The following TAF1A variants were observed in gnomAD, a reference collection of about 807,000 sequenced individuals.
TAF1A encodes the protein TATA box-binding protein-associated factor RNA polymerase I subunit A.
A neutral mutation model predicts 61.6 loss-of-function variants in TAF1A; 42 were observed. The ratio of observed to expected loss-of-function variants is 0.68; its 90% CI spans 0.53 to 0.88. The LOEUF (loss-of-function observed/expected upper bound fraction) is 0.88. Ranked by LOEUF, TAF1A falls within the 40% of genes least tolerant of loss-of-function variation. The pLI is 0.00. For missense variants in TAF1A, 424 were observed against 518.7 expected, an observed-to-expected ratio of 0.82 and a Z score of 1.77; for synonymous variants, 179 against 177.7, an observed-to-expected ratio of 1.01 and a Z score of -0.06.
At position 222,569,539 on chromosome 1, in the gene TAF1A, G is replaced by A. The variant is rs1660261358; in HGVS notation, c.865C>T (p.Pro289Ser). ...AGCACACTTATCAATTTTGATCTTGGTGCCTTCTGTCTCTTTAGAAAGTTG... is the reference window on the plus strand; with the variant it reads ...AGCACACTTATCAATTTTGATCTTGATGCCTTCTGTCTCTTTAGAAAGTTG... ...LYNFLKRQKA[P>S]RSKLISVLKI... The change falls in exon 7 of 11, where the codon CCA (proline) becomes TCA (serine). Residue 289 changes from proline to serine, a missense_variant. Pro to Ser is a moderately conservative substitution (Grantham distance 74, BLOSUM62 -1). Coordinates refer to ENST00000352967, the MANE Select transcript of TAF1A (RefSeq NM_005681.4). 1.2e-6 allele frequency: 2 copies of A among 1,613,736 alleles called. No homozygotes were observed. The highest frequency in any genetic ancestry group is 1.7e-6 in the Non-Finnish European group (2 of 1,179,932).
chr1:222,589,835 C>A lies in TAF1A; in HGVS notation c.-111G>T. ...GTTAGGAGAGCTTTATATGAGCAGG[C>A]GCTAAACCTGGTTTAGGTATTTAGG... On this transcript the variant is annotated 5_prime_UTR_variant, in exon 1 of 11. Coordinates refer to ENST00000352967, the MANE Select transcript of TAF1A (RefSeq NM_005681.4). The A allele has an allele frequency of 2.6e-6, 1 of 384,010 alleles. No homozygotes were observed. The highest frequency in any genetic ancestry group is 3.7e-5 in the East Asian group (1 of 26,852). The allele number at this position is 384,010 out of a possible 1,614,324, so 23.8% of individuals were successfully genotyped here.
intron 2 of TAF1A, among the ~76,000 whole-genome samples, chr1:222,585,550 T>G (rs1185337488): frequency 6.6e-6 from 1 of 151,628 alleles, no homozygotes; most frequent in Non-Finnish European, 1.5e-5. Flanking sequence ...TGGGTTCAAG[T>G]GATCCTTCCT....
intron 7 of TAF1A, among the ~76,000 whole-genome samples, chr1:222,566,151 T>C (rs1005707638): frequency 6.6e-6 from 1 of 152,052 alleles, no homozygotes; most frequent in African/African-American, 2.4e-5. Context: ...ACCCAATTCA[T>C]AAAAGGGCAG....
At chr1:222,564,230 T>G (rs940337792) in intron 7 of TAF1A, 105 bp from the exon 8 acceptor site, 9 of 502,070 alleles carry the variant, frequency 1.8e-5, no homozygotes, top group Non-Finnish European at 3.1e-5. Context: ...ATGCTCCCTT[T>G]AAATTTATTA....
chr1:222,575,508 C>T (rs1321112659), intron 5 of TAF1A, among the ~76,000 whole-genome samples: 1 of 152,104 alleles, frequency 6.6e-6, no homozygotes, highest in Non-Finnish European at 1.5e-5. Flanking sequence ...CAGACTGAGA[C>T]AGCAAGACTC....
chr1:222,569,470 T>C (rs1309718355), intron 7 of TAF1A, 40 bp downstream of exon 7: 1 of 1,613,434 alleles, frequency 6.2e-7, no homozygotes, highest in Non-Finnish European at 8.5e-7. Context: ...TTAATGTAGA[T>C]TCCCAACCCT....
chr1:222,583,837 CAAA>C (rs200580139), intron 3 of TAF1A, among the ~76,000 whole-genome samples: 2 of 90,060 alleles, frequency 2.2e-5, no homozygotes, highest in Non-Finnish European at 2.3e-5. Context: ...GACTCCGTCT[CAAA>C]AAAAAAAAAA....
intron 7 of TAF1A, chr1:222,569,176 G>A (rs373416364): frequency 2.6e-5 from 23 of 899,860 alleles, no homozygotes; most frequent in Middle Eastern, 4.9e-4. Flanking sequence ...TGAATGTAAC[G>A]CATCCAAGCA....
chr1:222,567,340 C>T (rs140394076), intron 7 of TAF1A, among the ~76,000 whole-genome samples: 15 of 152,104 alleles, frequency 9.9e-5, no homozygotes, highest in African/African-American at 3.1e-4. Context: ...GTTTCTACTT[C>T]GGATAACGAA....
At chr1:222,560,956 A>G (rs139300771) in intron 10 of TAF1A, among the ~76,000 whole-genome samples, 2 of 152,108 alleles carry the variant, frequency 1.3e-5, no homozygotes, top group East Asian at 3.9e-4. Context: ...AGTGGAGGAA[A>G]TGTTTCACGC....
At chr1:222,576,480 C>G (rs1488630915) in intron 5 of TAF1A, among the ~76,000 whole-genome samples, 1 of 152,114 alleles carries the variant, frequency 6.6e-6, no homozygotes, top group Non-Finnish European at 1.5e-5. Context: ...TTAGGTTAAT[C>G]TCGAGGATTA....
At chr1:222,576,988 T>G (rs1222230288) in intron 5 of TAF1A, among the ~76,000 whole-genome samples, 1 of 152,192 alleles carries the variant, frequency 6.6e-6, no homozygotes, top group Non-Finnish European at 1.5e-5. Context: ...ATCCCCAGGA[T>G]GACCCCAGCC....
At chr1:222,563,938 C>A (rs1397636747) in intron 8 of TAF1A, 121 bp downstream of exon 8, 17 of 656,994 alleles carry the variant, frequency 2.6e-5, no homozygotes, top group Non-Finnish European at 4.4e-5. Context: ...AGATGGACTC[C>A]AACAGAACTT....
intron 1 of TAF1A, 137 bp from the exon 2 acceptor site, chr1:222,588,702 T>A: frequency 1.1e-6 from 1 of 904,586 alleles, no homozygotes; most frequent in Non-Finnish European, 1.6e-6. Context: ...TCAGCTCTTT[T>A]AAAGTAAAAA....
downstream of TAF1A, among the ~76,000 whole-genome samples, chr1:222,555,089 G>A (rs563937689): frequency 6.6e-6 from 1 of 152,234 alleles, no homozygotes; most frequent in South Asian, 2.1e-4. Context: ...ATCAAACCAG[G>A]AGATACAGCC....
chr1:222,563,010 CTG>C (rs1031818143), intron 9 of TAF1A, among the ~76,000 whole-genome samples, 161 bp downstream of exon 9: 8 of 152,244 alleles, frequency 5.3e-5, no homozygotes, highest in South Asian at 4.1e-4. Context: ...CCTTATGACT[CTG>C]TATTTCTTTG....
At position 222,588,575 on chromosome 1, in the gene TAF1A, G is replaced by A. The variant is rs1376817675; in HGVS notation, c.-2-10C>T. Reference sequence around the variant, plus strand: ...CTGAAATCACTCATACCTATTACAAGATGAGATATCAGTTACTTTCTGTAC... The same window carrying A: ...CTGAAATCACTCATACCTATTACAAAATGAGATATCAGTTACTTTCTGTAC... On this transcript the variant is annotated splice_polypyrimidine_tract_variant and intron_variant, in intron 1 of 10. Transcript: ENST00000352967. 1.9e-6 allele frequency: 3 copies of A among 1,611,514 alleles called. No individual in the cohort carries two copies. Among genetic ancestry groups the A allele is most frequent in the Admixed American group, 3.4e-5 (2 of 59,462 alleles).
chr1:222,570,417 T>C (rs1660302234), intron 6 of TAF1A, 118 bp downstream of exon 6: 4 of 1,124,574 alleles, frequency 3.6e-6, no homozygotes, highest in African/African-American at 1.6e-5. Flanking sequence ...GTATTTTTGC[T>C]TTCTTTTAAA....
intron 5 of TAF1A, among the ~76,000 whole-genome samples, chr1:222,577,219 G>A (rs534383293): frequency 1.3e-5 from 2 of 152,198 alleles, no homozygotes; most frequent in African/African-American, 2.4e-5. Flanking sequence ...ATTCAAAACA[G>A]CAATGAACCT....
Sources: allele counts gnomAD v4.1 joint callset (sites outside exome capture counted in the v4.1 genomes callset), GRCh38; gene constraint gnomAD v4.1.1; transcripts MANE v1.5; gene names NCBI Gene and HGNC (gene_info 2026-07-23, HGNC 2026-07-21).